The following PACRGL variants were observed in gnomAD, a reference collection of about 807,000 sequenced individuals.
PACRGL encodes the protein PACRG-like protein.
In PACRGL, 38 loss-of-function variants were observed where a neutral mutation model predicts 34.5. The observed-to-expected ratio is 1.10, with a 90% CI of 0.85 to 1.44. The LOEUF is 1.44. Ranked by LOEUF, PACRGL falls within the 40% of genes most tolerant of loss-of-function variation. The pLI is 0.00. For missense variants in PACRGL, 305 were observed against 281.4 expected, an observed-to-expected ratio of 1.08 and a Z score of -0.60; for synonymous variants, 128 against 100.1, an observed-to-expected ratio of 1.28 and a Z score of -1.66.
chr4:20,716,356 G>A, intron 7 of PACRGL: 1 of 582,906 alleles, frequency 1.7e-6, no homozygotes, highest in African/African-American at 1.9e-5. Context: ...TTGTTTGTTT[G>A]TTTTAATTAT....
At chr4:20,755,966 G>A (rs986413799), downstream of PACRGL, among the ~76,000 whole-genome samples, 2 of 152,094 alleles carry the variant, frequency 1.3e-5, no homozygotes, top group African/African-American at 4.8e-5. Flanking sequence ...AGGCCACTCT[G>A]TAGGTTGTGG....
At chr4:20,748,161 G>A (rs960390755) in intron 8 of PACRGL, among the ~76,000 whole-genome samples, 35 of 152,088 alleles carry the variant, frequency 2.3e-4, no homozygotes, top group African/African-American at 7.5e-4. Context: ...CTACAAGATA[G>A]TCCAATCTCC....
In PACRGL at chr4:20,746,332, C is replaced by T. The variant is rs185059257; in HGVS notation, c.*57-6233C>T. On this transcript the variant is annotated intron_variant, in intron 8 of 8. Coordinates refer to the PACRGL transcript ENST00000507634. Reference sequence around the variant, plus strand: ...CTGGGAATTGAACAATGAGAACACACGGACATAGGAAGGGGAACATCACAC... The same window carrying T: ...CTGGGAATTGAACAATGAGAACACATGGACATAGGAAGGGGAACATCACAC... Among the ~76,000 whole-genome samples the T allele has an allele frequency of 2.8e-3, 421 of 151,242 alleles. 3 individuals are homozygous for T. The highest frequency in any genetic ancestry group is 9.8e-3 in the African/African-American group (404 of 41,160).
the PACRGL span, among the ~76,000 whole-genome samples, chr4:20,763,968 G>A: frequency 6.6e-6 from 1 of 152,152 alleles, no homozygotes; most frequent in African/African-American, 2.4e-5. Context: ...GTACAATGAA[G>A]CTTAAATGTT....
intron 7 of PACRGL, among the ~76,000 whole-genome samples, chr4:20,723,055 G>A (rs929772091): frequency 2.6e-5 from 4 of 152,192 alleles, no homozygotes; most frequent in African/African-American, 9.7e-5. Flanking sequence ...AGAAGTAGGT[G>A]CGATGGTGAC....
chr4:20,741,932 C>T (rs1219092840), intron 8 of PACRGL, among the ~76,000 whole-genome samples: 3 of 152,164 alleles, frequency 2.0e-5, no homozygotes, highest in Non-Finnish European at 2.9e-5. Flanking sequence ...TCAGAGAATA[C>T]GATGAACACC....
At chr4:20,758,703 A>G in the PACRGL span, 2 of 779,464 alleles carry the variant, frequency 2.6e-6, no homozygotes, top group Admixed American at 2.2e-5. Flanking sequence ...CATGCTGTGC[A>G]TTAATTCTTT....
chr4:20,702,654 CTT>C (rs1169657923), intron 1 of PACRGL: 1 of 151,960 alleles, frequency 6.6e-6, no homozygotes, highest in Non-Finnish European at 1.5e-5. Context: ...TCAATAGAAA[CTT>C]GTGTTGTTCC....
chr4:20,761,285 A>G, the PACRGL span, among the ~76,000 whole-genome samples: 1 of 152,184 alleles, frequency 6.6e-6, no homozygotes. Flanking sequence ...CAATATCTTA[A>G]TAAGTCTCTT....
chr4:20,731,200 G>A lies in PACRGL; in HGVS notation c.*3859G>A, dbSNP rs1163342107. The A allele has an allele frequency of 6.2e-6, 1 of 161,172 alleles. No homozygotes were observed. The highest frequency in any genetic ancestry group is 1.9e-4 in the East Asian group (1 of 5,224). The allele number at this position is 161,172 out of a possible 1,614,324, so 10.0% of individuals were successfully genotyped here. On this transcript the variant is annotated 3_prime_UTR_variant, in exon 9 of 9. Transcript: ENST00000503585. ...TCTTCCTGCCTCAGCCTCCCAAGTA[G>A]CTGAGACTTCAGCCACGTGCCACCG...
intron 8 of PACRGL, among the ~76,000 whole-genome samples, chr4:20,744,739 C>T (rs1752036062): frequency 6.6e-6 from 1 of 152,070 alleles, no homozygotes; most frequent in African/African-American, 2.4e-5. Context: ...GCACATTTTG[C>T]ACATGTACCC....
chr4:20,759,363 T>C, the PACRGL span, among the ~76,000 whole-genome samples: 44 of 152,188 alleles, frequency 2.9e-4, 1 homozygote, highest in Non-Finnish European at 4.0e-4. Flanking sequence ...TAATAGATAC[T>C]AATGCTTGTT....
intron 8 of PACRGL, chr4:20,749,631 T>A: frequency 6.8e-7 from 1 of 1,473,066 alleles, no homozygotes; most frequent in Non-Finnish European, 9.4e-7. Flanking sequence ...CTCTAAATAG[T>A]CAAATGATAT....
downstream of PACRGL, among the ~76,000 whole-genome samples, chr4:20,733,010 T>C (rs535987552): frequency 1.2e-4 from 18 of 152,296 alleles, no homozygotes. Context: ...TCTCTTGGTT[T>C]CAAAAGGAAG....
chr4:20,758,877 C>A, the PACRGL span: 1 of 1,613,096 alleles, frequency 6.2e-7, no homozygotes, highest in Non-Finnish European at 8.5e-7. Flanking sequence ...ATTAACAACA[C>A]CACTGGGGCA....
Position 20,732,130 on chromosome 4 carries a change from C to A in PACRGL, c.*4789C>A. 2 of 1,119,012 alleles carry A rather than the reference C, an allele frequency of 1.8e-6. No individual in the cohort carries two copies. The highest frequency in any genetic ancestry group is 2.4e-5 in the East Asian group (1 of 42,220). The allele number at this position is 1,119,012 out of a possible 1,614,324, so 69.3% of individuals were successfully genotyped here. A position where few individuals can be genotyped will look rare whatever the true frequency, so the allele number is the denominator to read the frequency against. On this transcript the variant is annotated 3_prime_UTR_variant, in exon 9 of 9. Coordinates refer to ENST00000503585, the MANE Select transcript of PACRGL (RefSeq NM_001258345.3). ...ATCCCTTAATACCCTCACACCTGGA[C>A]CAAATGAGCTGAAGCTGATAAAAAG...
intron 8 of PACRGL, among the ~76,000 whole-genome samples, chr4:20,744,273 G>A (rs1005444497): frequency 3.3e-5 from 5 of 152,146 alleles, no homozygotes; most frequent in Admixed American, 2.6e-4. Flanking sequence ...ACACCCAAAG[G>A]ATTATAAATC....
chr4:20,718,365 A>G lies in PACRGL; in HGVS notation c.609+4826A>G, dbSNP rs1248382499. Among the ~76,000 whole-genome samples the G allele has an allele frequency of 5.9e-5, 9 of 152,218 alleles. No homozygotes were observed. In the East Asian group the frequency reaches 1.5e-3, roughly 26 times the overall value. On this transcript the variant is annotated intron_variant, in intron 7 of 8. Coordinates refer to ENST00000503585, the MANE Select transcript of PACRGL (RefSeq NM_001258345.3). The stretch of plus-strand genomic sequence containing the variant: ...TGCCCTGGCCAGAACTTCCAACACT[A>G]TGTTGAATAGGAGTGGTGAGAGAGG...
downstream of PACRGL, among the ~76,000 whole-genome samples, chr4:20,753,848 C>CA (rs1231167079): frequency 6.6e-6 from 1 of 152,134 alleles, no homozygotes; most frequent in Non-Finnish European, 1.5e-5. Context: ...AAGTGACTTG[C>CA]ATACAGCGGC....
Sources: allele counts gnomAD v4.1 joint callset (sites outside exome capture counted in the v4.1 genomes callset), GRCh38; gene constraint gnomAD v4.1.1; transcripts MANE v1.5; gene names NCBI Gene and HGNC (gene_info 2026-07-23, HGNC 2026-07-21).